Variants in FAM184A observed in about 807,000 individuals in gnomAD.
FAM184A encodes protein FAM184A.
A neutral mutation model predicts 143.8 loss-of-function variants in FAM184A; 99 were observed. That is an observed-to-expected ratio of 0.69 (90% CI 0.58 to 0.81). The LOEUF (loss-of-function observed/expected upper bound fraction) is 0.81. Among genes scored for constraint, FAM184A ranks in the 40% least tolerant of loss-of-function variants. The probability of loss-of-function intolerance (pLI) is 0.00; values close to 1 mark genes in which losing one functional copy is unlikely to be tolerated. For synonymous variants in FAM184A, 427 were observed against 446.4 expected, an observed-to-expected ratio of 0.96 and a Z score of 0.55; for missense variants, 1,217 against 1,310.5, an observed-to-expected ratio of 0.93 and a Z score of 1.10.
chr6:119,106,875 C>T (rs950063152), intron 1 of FAM184A, among the ~76,000 whole-genome samples: 2 of 152,040 alleles, frequency 1.3e-5, no homozygotes, highest in Non-Finnish European at 2.9e-5. Context: ...TGGTAAGTTA[C>T]GGTGAATGGG....
chr6:119,052,697 C>A (rs1786812615), intron 1 of FAM184A, among the ~76,000 whole-genome samples: 1 of 152,184 alleles, frequency 6.6e-6, no homozygotes, highest in Admixed American at 6.5e-5. Context: ...CAGCCACTTT[C>A]ACCAAATGAA....
intron 4 of FAM184A, among the ~76,000 whole-genome samples, chr6:119,019,419 T>C (rs559329590): frequency 1.3e-5 from 2 of 152,096 alleles, no homozygotes; most frequent in African/African-American, 4.8e-5. Flanking sequence ...GCAAAGAGAA[T>C]AGATATTTTC....
At chr6:119,145,960 T>C (rs1323621801) in intron 1 of FAM184A, among the ~76,000 whole-genome samples, 1 of 152,152 alleles carries the variant, frequency 6.6e-6, no homozygotes, top group Non-Finnish European at 1.5e-5. Flanking sequence ...ACCGAGGCAA[T>C]CTGACACCAG....
Position 119,003,632 on chromosome 6 carries a change from A to G in FAM184A, c.1816-10T>C. ...CTTGTTCTAGCTCACCCTGAAGAATAAAAACTTTTCAATGAAGACTAAACT... is the reference window on the plus strand; with the variant it reads ...CTTGTTCTAGCTCACCCTGAAGAATGAAAACTTTTCAATGAAGACTAAACT... On this transcript the variant is annotated splice_polypyrimidine_tract_variant and intron_variant, in intron 7 of 17. Coordinates refer to ENST00000338891, the MANE Select transcript of FAM184A (RefSeq NM_024581.6). 1 of 1,594,080 alleles carries G rather than the reference A, an allele frequency of 6.3e-7. No individual in the cohort carries two copies. Among genetic ancestry groups the G allele is most frequent in the South Asian group, 1.2e-5 (1 of 86,110 alleles).
chr6:119,075,413 CTG>C (rs1337057914), intron 1 of FAM184A, among the ~76,000 whole-genome samples: 3 of 152,142 alleles, frequency 2.0e-5, no homozygotes, highest in African/African-American at 7.2e-5. Flanking sequence ...CGCTACAACT[CTG>C]TAAAATAGGT....
At chr6:119,131,730 C>A (rs1283273213) in intron 1 of FAM184A, among the ~76,000 whole-genome samples, 2 of 152,046 alleles carry the variant, frequency 1.3e-5, no homozygotes, top group Non-Finnish European at 2.9e-5. Context: ...GCCATCCCCC[C>A]ACCCAGCCCC....
chr6:118,967,798 A>T lies in FAM184A; in HGVS notation c.2916-846T>A, dbSNP rs940616895. Reference sequence around the variant, plus strand: ...CTTGTTTTCAGGATATAAAGGATAGAACTTAAAATTTCAATAACATTATTC... The same window carrying T: ...CTTGTTTTCAGGATATAAAGGATAGTACTTAAAATTTCAATAACATTATTC... On this transcript the variant is annotated intron_variant, in intron 14 of 17. Transcript: ENST00000338891. Among the ~76,000 whole-genome samples the T allele has an allele frequency of 3.9e-5, 6 of 152,186 alleles. No individual in the cohort carries two copies. In the South Asian group the frequency reaches 6.2e-4, roughly 16 times the overall value.
At position 118,975,996 on chromosome 6, in the gene FAM184A, A is replaced by T. The variant is rs1783833202; in HGVS notation, c.2504T>A (p.Leu835Ter). 6.2e-7 allele frequency: 1 copy of T among 1,613,422 alleles called. No individual in the cohort carries two copies. Among genetic ancestry groups the T allele is most frequent in the African/African-American group, 1.3e-5 (1 of 74,916 alleles). ...TTCTTGATGATGATTATGCCGTAAC[A>T]AATCAATTGCAGCTGCATGTTGATG... ...LNHQHAAAID[L>*]LRHNHHQELA... Residue 835 changes from leucine (L) to a stop codon, truncating the protein, a stop_gained, in exon 12 of 18, where the codon TTG becomes TAG. Coordinates refer to ENST00000338891, the MANE Select transcript of FAM184A (RefSeq NM_024581.6). LOFTEE classifies it high-confidence loss of function.
intron 5 of FAM184A, among the ~76,000 whole-genome samples, chr6:119,015,824 A>G (rs1226384190): frequency 6.6e-6 from 1 of 152,230 alleles, no homozygotes; most frequent in Non-Finnish European, 1.5e-5. Context: ...CTTTATGTCT[A>G]GCTCAGGGAT....
intron 1 of FAM184A, among the ~76,000 whole-genome samples, chr6:119,048,836 A>T (rs1786635293): frequency 6.6e-6 from 1 of 152,106 alleles, no homozygotes; most frequent in East Asian, 1.9e-4. Context: ...GAATTACAAA[A>T]CACTGCTCAA....
intron 1 of FAM184A, among the ~76,000 whole-genome samples, chr6:119,036,512 T>C (rs1319772778): frequency 7.2e-5 from 11 of 152,116 alleles, no homozygotes; most frequent in Non-Finnish European, 1.6e-4. Flanking sequence ...AGTCTAATAA[T>C]GTTGGAGGTA....
At position 119,078,012 on chromosome 6, in the gene FAM184A, G is replaced by C; in HGVS notation, c.159+129C>G. ...TTGCAGGGTTTTGGAGGTGTCTCCGGCTGTTGCTTCGGCGGAGGAGTAGAG... is the reference window on the plus strand; with the variant it reads ...TTGCAGGGTTTTGGAGGTGTCTCCGCCTGTTGCTTCGGCGGAGGAGTAGAG... On this transcript the variant is annotated intron_variant, in intron 1 of 17. Transcript: ENST00000338891. This position sits in a 1 kb window ranked among gnomAD's most constrained non-coding sequence, Gnocchi z 5.5. 9.1e-7 allele frequency: 1 copy of C among 1,101,496 alleles called. No homozygotes were observed. Among genetic ancestry groups the C allele is most frequent in the Non-Finnish European group, 1.3e-6 (1 of 791,594 alleles). 68.2% of individuals were successfully genotyped at this position (1,101,496 alleles called of 1,614,324 possible). A position where few individuals can be genotyped will look rare whatever the true frequency, so the allele number is the denominator to read the frequency against.
chr6:118,966,563 T>A (rs961800405), intron 15 of FAM184A, among the ~76,000 whole-genome samples: 1 of 152,156 alleles, frequency 6.6e-6, no homozygotes, highest in African/African-American at 2.4e-5. Context: ...ATTAATTGTA[T>A]ACTGGCAGTG....
At chr6:119,081,620 A>G (rs146027375), upstream of FAM184A, among the ~76,000 whole-genome samples, 257 of 152,286 alleles carry the variant, frequency 1.7e-3, 1 homozygote, top group African/African-American at 5.7e-3. Flanking sequence ...GAAGAATTGG[A>G]TCACACGTGG....
At chr6:118,981,997 C>T (rs1330982181) in intron 9 of FAM184A, among the ~76,000 whole-genome samples, 1 of 152,096 alleles carries the variant, frequency 6.6e-6, no homozygotes, top group Non-Finnish European at 1.5e-5. Flanking sequence ...ACTCCTTATA[C>T]CTCTAAATGG....
At chr6:119,026,364 G>A (rs1056674122) in intron 1 of FAM184A, among the ~76,000 whole-genome samples, 5 of 152,152 alleles carry the variant, frequency 3.3e-5, no homozygotes, top group Non-Finnish European at 5.9e-5. Context: ...TAGCTTATAA[G>A]CCAAGAAAGC....
At chr6:119,110,867 G>T (rs184339056) in intron 1 of FAM184A, among the ~76,000 whole-genome samples, 155 of 152,290 alleles carry the variant, frequency 1.0e-3, no homozygotes, top group African/African-American at 3.7e-3. Context: ...AAAATTTAAC[G>T]CAGTAAAAAA....
At chr6:118,970,008 A>ATATATATATATATATATTTTTTTTT in intron 14 of FAM184A, among the ~76,000 whole-genome samples, 3 of 19,050 alleles carry the variant, frequency 1.6e-4, no homozygotes, top group Non-Finnish European at 2.3e-4. Flanking sequence ...ATATATATAT[A>ATATATATATATATATATTTTTTTTT]TTTTTTTTTT....
Position 118,961,865 on chromosome 6 carries a change from G to A in FAM184A, c.3237C>T (p.Asn1079=). The A allele has an allele frequency of 6.2e-7, 1 of 1,613,896 alleles. No individual in the cohort carries two copies. Among genetic ancestry groups the A allele is most frequent in the Non-Finnish European group, 8.5e-7 (1 of 1,179,866 alleles). Residue 1079 remains asparagine, a synonymous_variant, in exon 17 of 18, where the codon AAC becomes AAT. Coordinates refer to ENST00000338891, the MANE Select transcript of FAM184A (RefSeq NM_024581.6). ...ESGGVGNGHP[N]RLDPIPNSPV... ...GAGAATTAGGAATGGGATCCAGGCG[G>A]TTAGGATGTCCATTGCCCACTCCAC...
Sources: gnomAD v4.1 joint callset for allele counts (sites outside exome capture counted in the v4.1 genomes callset) on GRCh38, gnomAD v4.1.1 for gene constraint, Gnocchi (gnomAD v3.1) non-coding constraint, MANE v1.5 for transcripts, NCBI Gene and HGNC (gene_info 2026-07-23, HGNC 2026-07-21) for gene names.